The following SLC16A3 variants were observed in gnomAD, a reference collection of about 807,000 sequenced individuals.
The protein encoded by SLC16A3 is monocarboxylate transporter 4.
SLC16A3 carries 22 observed loss-of-function variants against 25.0 expected under a neutral mutation model. That is an observed-to-expected ratio of 0.88 (90% CI 0.63 to 1.26). The LOEUF (loss-of-function observed/expected upper bound fraction) is 1.26. Among genes scored for constraint, SLC16A3 ranks in the 50% most tolerant of loss-of-function variants. The pLI is 0.00. For missense variants in SLC16A3, 731 were observed against 666.6 expected (o/e 1.10, Z -1.06); for synonymous variants, 390 against 309.2 (o/e 1.26, Z -2.74).
chr17:82,227,597 C>G (rs1224027428), upstream of SLC16A3, among the ~76,000 whole-genome samples: 1 of 145,880 alleles, frequency 6.9e-6, no homozygotes, highest in African/African-American at 2.5e-5. Flanking sequence ...TGGGCGGGAG[C>G]ACCACCTGCC....
chr17:82,231,615 G>A (rs2147117558), intron 1 of SLC16A3: 1 of 152,414 alleles, frequency 6.6e-6, no homozygotes, highest in South Asian at 2.1e-4. Context: ...CGGAGAAGGG[G>A]TCTTCAAAGC....
At chr17:82,231,396 C>G (rs1183357996) in intron 1 of SLC16A3, 2 of 152,286 alleles carry the variant, frequency 1.3e-5, no homozygotes, top group African/African-American at 4.8e-5. Flanking sequence ...TTCACCTTCC[C>G]CCCCGGGTCC....
At position 82,238,645 on chromosome 17, in the gene SLC16A3, C is replaced by A. The variant is rs532768848; in HGVS notation, c.1124-57C>A. On this transcript the variant is annotated intron_variant, in intron 4 of 4. Coordinates refer to ENST00000582743, the MANE Select transcript of SLC16A3 (RefSeq NM_004207.4). ...ACCGAGACACAGGCTTGGGTGGAGC[C>A]GTGGGCCCTGGGGGCAGCCCGCATG... is the stretch of plus-strand genomic sequence containing the variant. 1.6e-5 allele frequency: 24 copies of A among 1,535,068 alleles called. 1 individual carries two copies. The African/African-American group carries it at 2.6e-4, about 17-fold the overall frequency.
At position 82,237,276 on chromosome 17, in the gene SLC16A3, T is replaced by C; in HGVS notation, c.506T>C (p.Leu169Pro). The change falls in exon 4 of 5, where the codon CTG (leucine) becomes CCG (proline). Residue 169 changes from leucine to proline, a missense_variant. Physicochemically the swap from Leu to Pro is moderately conservative, Grantham distance 98 (BLOSUM62 -3). Transcript: ENST00000582743. ...TGTGCCCTGAGCCCGCTGGGGCAGC[T>C]GCTGCAGGACCGCTACGGCTGGCGG... ...FLCALSPLGQ[L>P]LQDRYGWRGG... 6.4e-7 allele frequency: 1 copy of C among 1,565,104 alleles called. No individual in the cohort carries two copies. The highest frequency in any genetic ancestry group is 8.7e-7 in the Non-Finnish European group (1 of 1,155,230).
At chr17:82,228,061 G>A (rs1280893316), upstream of SLC16A3, among the ~76,000 whole-genome samples, 1 of 152,174 alleles carries the variant, frequency 6.6e-6, no homozygotes, top group Non-Finnish European at 1.5e-5. Flanking sequence ...CCAGTGCCTC[G>A]GTCCCCGAAG....
chr17:82,237,362 A>C lies in SLC16A3; in HGVS notation c.592A>C (p.Arg198=). Residue 198 remains arginine (R), a synonymous_variant, in exon 4 of 5, where the codon AGG becomes CGG. Transcript: ENST00000582743. The part of the protein sequence containing the change: ...LNCCVCAALM[R]PLVVTAQPGS... ...CTGCTGCGTGTGTGCCGCACTCATG[A>C]GGCCCCTGGTGGTCACGGCCCAGCC... is the stretch of plus-strand genomic sequence containing the variant. 6.5e-7 allele frequency: 1 copy of C among 1,539,588 alleles called. No individual in the cohort carries two copies. The highest frequency in any genetic ancestry group is 8.8e-7 in the Non-Finnish European group (1 of 1,140,364).
chr17:82,238,555 G>A (rs1374281897), intron 4 of SLC16A3, 147 bp from the exon 5 acceptor site: 35 of 712,640 alleles, frequency 4.9e-5, no homozygotes, highest in South Asian at 1.3e-4. Flanking sequence ...ACACATGGAG[G>A]GGAGAGAACA....
chr17:82,236,467 C>G (rs539632749), intron 2 of SLC16A3: 20 of 627,712 alleles, frequency 3.2e-5, no homozygotes, highest in Non-Finnish European at 5.0e-5. Flanking sequence ...ATTTATAGAC[C>G]GTCTCAGAGG....
chr17:82,227,729 G>GC (rs1426973036), upstream of SLC16A3, among the ~76,000 whole-genome samples: 5 of 151,850 alleles, frequency 3.3e-5, no homozygotes, highest in Non-Finnish European at 7.4e-5. Flanking sequence ...GAAGTTGGAG[G>GC]CCCCCTCACC....
chr17:82,236,269 T>C (rs2050600175), intron 2 of SLC16A3, 38 bp downstream of exon 2: 1 of 1,578,150 alleles, frequency 6.3e-7, no homozygotes. Context: ...TGTCCGGGGC[T>C]CTGCTGGCGG....
chr17:82,227,608 C>G (rs1336340854), upstream of SLC16A3, among the ~76,000 whole-genome samples: 9 of 64,418 alleles, frequency 1.4e-4, no homozygotes, highest in African/African-American at 3.8e-4. Flanking sequence ...ACCACCTGCC[C>G]TGGGCGGGAG....
chr17:82,225,884 G>A (rs1187242206), upstream of SLC16A3, among the ~76,000 whole-genome samples: 4 of 152,120 alleles, frequency 2.6e-5, no homozygotes, highest in Non-Finnish European at 4.4e-5. Flanking sequence ...CTGGGGCAGC[G>A]GCTGTGGTGA....
Position 82,240,053 on chromosome 17 carries a change from C to A in SLC16A3, c.*1077C>A. ...GCGTGCAGCCGGAGAGATGCCATGT[C>A]CCTGCTCCTCTGCAATGAAAAGCAA... On this transcript the variant is annotated 3_prime_UTR_variant, in exon 5 of 5. Transcript: ENST00000582743. 2.4e-6 allele frequency: 3 copies of A among 1,233,844 alleles called. No individual in the cohort carries two copies. The highest frequency in any genetic ancestry group is 3.0e-6 in the Non-Finnish European group (3 of 987,914). 76.4% of individuals were successfully genotyped at this position (1,233,844 alleles called of 1,614,324 possible). A position where few individuals can be genotyped will look rare whatever the true frequency, so the allele number is the denominator to read the frequency against.
chr17:82,238,400 G>A (rs2050672421), intron 4 of SLC16A3, among the ~76,000 whole-genome samples: 1 of 152,184 alleles, frequency 6.6e-6, no homozygotes, highest in African/African-American at 2.4e-5. Context: ...TTCTGGGGCT[G>A]CCGACTGGAA....
intron 2 of SLC16A3, 42 bp downstream of exon 2, chr17:82,236,273 C>A: frequency 6.4e-7 from 1 of 1,565,098 alleles, no homozygotes; most frequent in South Asian, 1.1e-5. Context: ...CGGGGCTCTG[C>A]TGGCGGATCC....
intron 4 of SLC16A3, 47 bp downstream of exon 4, chr17:82,237,940 C>A: frequency 6.4e-7 from 1 of 1,572,954 alleles, no homozygotes; most frequent in South Asian, 1.1e-5. Context: ...CCCTTCCCGT[C>A]AGACGCCCGC....
rs772018061 is a variant in SLC16A3, at chr17:82,236,677, G to T, written c.224-52G>T. ...CAGGCTGTGAGCTCAGTCGGCTGGC[G>T]GGGGTAGAGCTGGCTGCAGGCCCGG... On this transcript the variant is annotated intron_variant, in intron 2 of 4. Coordinates refer to ENST00000582743, the MANE Select transcript of SLC16A3 (RefSeq NM_004207.4). 4 of 1,577,778 alleles carry T rather than the reference G, an allele frequency of 2.5e-6. No individual in the cohort carries two copies. The East Asian group carries it at 6.7e-5, about 27-fold the overall frequency.
At chr17:82,225,950 G>A (rs2050419032), upstream of SLC16A3, among the ~76,000 whole-genome samples, 1 of 152,074 alleles carries the variant, frequency 6.6e-6, no homozygotes, top group Non-Finnish European at 1.5e-5. Context: ...ACAGAGGTAG[G>A]GACTCTCGGG....
At position 82,231,227 on chromosome 17, in the gene SLC16A3, C is replaced by T. The variant is rs2050490290; in HGVS notation, c.-27+2121C>T. 5 of 152,204 alleles carry T rather than the reference C, an allele frequency of 3.3e-5. No homozygotes were observed. In the South Asian group the frequency reaches 1.0e-3, roughly 31 times the overall value. The allele number at this position is 152,204 out of a possible 1,614,324, so 9.4% of individuals were successfully genotyped here. On this transcript the variant is annotated intron_variant, in intron 1 of 4. Transcript: ENST00000582743. ...CAGCCTCGACCACCCGCGCCGACCC[C>T]CGCCCGCAGAGCCGGGAAGCCGGAA... is the stretch of plus-strand genomic sequence containing the variant.
Sources: allele counts gnomAD v4.1 joint callset (sites outside exome capture counted in the v4.1 genomes callset), GRCh38; gene constraint gnomAD v4.1.1; transcripts MANE v1.5; gene names NCBI Gene and HGNC (gene_info 2026-07-23, HGNC 2026-07-21).